TMEM45A: variants seen among roughly 807,000 people sequenced by gnomAD.
TMEM45A encodes the protein transmembrane protein 45A.
TMEM45A carries 25 observed loss-of-function variants against 32.0 expected under a neutral mutation model. That is an observed-to-expected ratio of 0.78 (90% CI 0.57 to 1.09). The LOEUF (loss-of-function observed/expected upper bound fraction) is 1.09, where lower values mean the gene tolerates loss of function less well. TMEM45A is among the 50% of genes least tolerant of loss of function. TMEM45A has a pLI of 0.00. For missense variants in TMEM45A, 302 were observed against 325.0 expected (o/e 0.93, Z 0.54); for synonymous variants, 122 against 114.8 (o/e 1.06, Z -0.40).
At chr3:100,521,559 C>G (rs1025122296) in intron 1 of TMEM45A, among the ~76,000 whole-genome samples, 1 of 152,176 alleles carries the variant, frequency 6.6e-6, no homozygotes, top group Non-Finnish European at 1.5e-5. Context: ...GCCTCATTTC[C>G]TCTTTCTGAT....
chr3:100,536,099 C>T (rs1384613557), intron 1 of TMEM45A, among the ~76,000 whole-genome samples: 1 of 152,140 alleles, frequency 6.6e-6, no homozygotes, highest in South Asian at 2.1e-4. Context: ...GTACTGCCAG[C>T]ATCTCGTAGT....
At chr3:100,539,072 A>T (rs960279854) in intron 1 of TMEM45A, among the ~76,000 whole-genome samples, 21 of 152,316 alleles carry the variant, frequency 1.4e-4, no homozygotes, top group Middle Eastern at 3.4e-3. Flanking sequence ...AAATCCCAGC[A>T]AGTTACTTTG....
At chr3:100,553,058 G>A (rs1025553765) in intron 1 of TMEM45A, among the ~76,000 whole-genome samples, 1 of 152,166 alleles carries the variant, frequency 6.6e-6, no homozygotes, top group Non-Finnish European at 1.5e-5. Context: ...GTTTTACTCT[G>A]GTAGTTAGAG....
rs569189789 is a variant in TMEM45A, at chr3:100,553,672, A to C, written c.-3-1537A>C. 4.9e-4 allele frequency among the ~76,000 whole-genome samples: 75 copies of C among 152,322 alleles called. No individual in the cohort carries two copies. In the South Asian group the frequency reaches 0.011, roughly 23 times the overall value. On this transcript the variant is annotated intron_variant, in intron 1 of 5. Coordinates refer to ENST00000323523, the MANE Select transcript of TMEM45A (RefSeq NM_018004.3). ...AGGGCAGGAAAGAACTCCAGGTTTC[A>C]TCTAGGCTTGCCTCCTTCTTTTATT...
At chr3:100,515,563 G>T (rs1022365458) in intron 1 of TMEM45A, among the ~76,000 whole-genome samples, 12 of 151,164 alleles carry the variant, frequency 7.9e-5, no homozygotes, top group African/African-American at 2.9e-4. Context: ...CACCAGCATG[G>T]CACATGTATT....
intron 1 of TMEM45A, among the ~76,000 whole-genome samples, chr3:100,524,708 T>A (rs1483423115): frequency 2.6e-5 from 4 of 152,210 alleles, no homozygotes; most frequent in Non-Finnish European, 5.9e-5. Flanking sequence ...TAGAGGCATT[T>A]TGAGTCTGTG....
At chr3:100,527,884 C>A (rs1705575778) in intron 1 of TMEM45A, among the ~76,000 whole-genome samples, 1 of 152,154 alleles carries the variant, frequency 6.6e-6, no homozygotes, top group African/African-American at 2.4e-5. Context: ...GAAGTCACAA[C>A]CAAGACAACT....
At chr3:100,553,754 G>T (rs185789714) in intron 1 of TMEM45A, among the ~76,000 whole-genome samples, 1 of 152,244 alleles carries the variant, frequency 6.6e-6, no homozygotes, top group Non-Finnish European at 1.5e-5. Context: ...CACCATTACA[G>T]GTATAGTTAG....
At position 100,497,389 on chromosome 3, in the gene TMEM45A, T is replaced by G. The variant is rs186186049; in HGVS notation, c.-4+4461T>G. 1.8e-3 allele frequency among the ~76,000 whole-genome samples: 276 copies of G among 152,362 alleles called. 1 individual carries two copies. Among genetic ancestry groups the G allele is most frequent in the African/African-American group, 6.4e-3 (266 of 41,586 alleles). On this transcript the variant is annotated intron_variant, in intron 1 of 5. Coordinates refer to ENST00000323523, the MANE Select transcript of TMEM45A (RefSeq NM_018004.3). The stretch of plus-strand genomic sequence containing the variant: ...CTGTACATGTAAGCAATTCCTTTTT[T>G]ATTGTGGTAAAATATATAACATAAA...
At chr3:100,551,163 A>G (rs1490459116) in intron 1 of TMEM45A, among the ~76,000 whole-genome samples, 1 of 151,784 alleles carries the variant, frequency 6.6e-6, no homozygotes, top group South Asian at 2.1e-4. Context: ...ACAGGTGCCC[A>G]CCACCACACC....
intron 1 of TMEM45A, among the ~76,000 whole-genome samples, chr3:100,513,029 C>T (rs1175167512): frequency 7.4e-5 from 11 of 148,898 alleles, no homozygotes; most frequent in South Asian, 2.1e-4. Flanking sequence ...GATTCACAGC[C>T]GAATTCTACC....
At chr3:100,526,335 C>T (rs192005618) in intron 1 of TMEM45A, among the ~76,000 whole-genome samples, 2 of 152,298 alleles carry the variant, frequency 1.3e-5, no homozygotes, top group East Asian at 3.9e-4. Context: ...TCATCTTCAG[C>T]CATCTTCCCA....
chr3:100,519,945 C>G (rs1184180155), intron 1 of TMEM45A, among the ~76,000 whole-genome samples: 1 of 152,124 alleles, frequency 6.6e-6, no homozygotes, highest in African/African-American at 2.4e-5. Flanking sequence ...AGCGTTAGGT[C>G]TACCAGGCAC....
intron 5 of TMEM45A, chr3:100,574,589 AG>A (rs1706642359): frequency 6.6e-6 from 1 of 152,340 alleles, no homozygotes; most frequent in Admixed American, 6.5e-5. Flanking sequence ...GAATTTTTAC[AG>A]CCCGTCGTCT....
chr3:100,565,397 G>C lies in TMEM45A; in HGVS notation c.589-3425G>C, dbSNP rs569871644. Among the ~76,000 whole-genome samples the C allele has an allele frequency of 7.9e-5, 12 of 152,158 alleles. No individual in the cohort carries two copies. The South Asian group carries it at 2.3e-3, about 29-fold the overall frequency. On this transcript the variant is annotated intron_variant, in intron 4 of 5. Transcript: ENST00000323523. The stretch of plus-strand genomic sequence containing the variant: ...TAAGGCACAAATCTTAGTTTTCCCC[G>C]ACTTACTCTAATTATTTGAAATTTC...
chr3:100,569,047 T>A, intron 5 of TMEM45A, 80 bp downstream of exon 5: 1 of 1,428,210 alleles, frequency 7.0e-7, no homozygotes. Flanking sequence ...GAATTTAAAA[T>A]TCAAAAGGGT....
In TMEM45A at chr3:100,525,054, A is replaced by G. The variant is rs147745564; in HGVS notation, c.-3-30155A>G. Among the ~76,000 whole-genome samples, 1,263 of 152,098 alleles carry G rather than the reference A, an allele frequency of 8.3e-3. 16 individuals are homozygous for G. The highest frequency in any genetic ancestry group is 0.058 in the Middle Eastern group (17 of 294). ...AATAAAAAAATTAGCCGGGTGTGGC[A>G]ATGTGTGCCTGTAGTCCTAGCTATT... On this transcript the variant is annotated intron_variant, in intron 1 of 5. Coordinates refer to ENST00000323523, the MANE Select transcript of TMEM45A (RefSeq NM_018004.3).
At chr3:100,571,793 C>G (rs952192225) in intron 5 of TMEM45A, 3 of 152,112 alleles carry the variant, frequency 2.0e-5, no homozygotes, top group Non-Finnish European at 4.4e-5. Flanking sequence ...TGTTCCCCTT[C>G]TTGTGTCCAT....
In TMEM45A at chr3:100,507,560, G is replaced by T. The variant is rs139927291; in HGVS notation, c.-4+14632G>T. 2.4e-4 allele frequency among the ~76,000 whole-genome samples: 37 copies of T among 152,228 alleles called. No individual in the cohort carries two copies. In the South Asian group the frequency reaches 3.1e-3, roughly 13 times the overall value. On this transcript the variant is annotated intron_variant, in intron 1 of 5. Transcript: ENST00000323523. ...TAAAATCACTTTTTCACCTAGAAAG[G>T]TTTTCAATAAATGTTCTTGGAGCTC...
Sources: allele counts gnomAD v4.1 joint callset (sites outside exome capture counted in the v4.1 genomes callset), GRCh38; gene constraint gnomAD v4.1.1; transcripts MANE v1.5; gene names NCBI Gene and HGNC (gene_info 2026-07-23, HGNC 2026-07-21).